MET: variants seen among roughly 807,000 people sequenced by gnomAD.
MET encodes the protein MET proto-oncogene, receptor tyrosine kinase, also known as hepatocyte growth factor receptor.
In MET, 48 loss-of-function variants were observed where a neutral mutation model predicts 133.1. That is an observed-to-expected ratio of 0.36 (90% CI 0.29 to 0.46). The LOEUF is 0.46. Ranked by LOEUF, MET falls within the 20% of genes least tolerant of loss-of-function variation. The pLI, the probability that MET is intolerant of heterozygous loss-of-function variation, is 1.00. For synonymous variants in MET, 628 were observed against 616.5 expected (o/e 1.02, Z -0.28); for missense variants, 1,442 against 1,695.9 (o/e 0.85, Z 2.63).
intron 2 of MET, among the ~76,000 whole-genome samples, chr7:116,713,681 C>T (rs767712825): frequency 6.6e-6 from 1 of 152,150 alleles, no homozygotes; most frequent in Non-Finnish European, 1.5e-5. Context: ...AAGAGTCTCA[C>T]TCCACGGTGG....
chr7:116,771,037 T>C (rs1794812539), intron 12 of MET, among the ~76,000 whole-genome samples: 1 of 152,166 alleles, frequency 6.6e-6, no homozygotes, highest in Admixed American at 6.5e-5. Flanking sequence ...ATTCTGAGAC[T>C]TTATTGTTCC....
At chr7:116,753,960 A>AC (rs1476376319) in intron 5 of MET, among the ~76,000 whole-genome samples, 2 of 152,056 alleles carry the variant, frequency 1.3e-5, no homozygotes, top group African/African-American at 4.8e-5. Context: ...GCATAACAAG[A>AC]CCCCGTCTCT....
chr7:116,754,600 C>T (rs1349827644), intron 5 of MET, among the ~76,000 whole-genome samples: 1 of 151,036 alleles, frequency 6.6e-6, no homozygotes, highest in Non-Finnish European at 1.5e-5. Flanking sequence ...GCAGGAGGAT[C>T]ACTTGAGCCC....
chr7:116,795,584 C>T (rs1032573039), intron 19 of MET, 71 bp from the exon 20 acceptor site: 9 of 1,605,632 alleles, frequency 5.6e-6, no homozygotes, highest in Non-Finnish European at 6.0e-6. Flanking sequence ...GTTACCAAGA[C>T]CTACTGATTT....
chr7:116,702,688 A>G (rs1791625105), intron 2 of MET, among the ~76,000 whole-genome samples: 1 of 152,168 alleles, frequency 6.6e-6, no homozygotes, highest in Admixed American at 6.6e-5. Flanking sequence ...TAGTTTTGTT[A>G]TTAACATCTC....
At chr7:116,673,390 G>C (rs979278536) in intron 1 of MET, among the ~76,000 whole-genome samples, 2 of 152,286 alleles carry the variant, frequency 1.3e-5, no homozygotes, top group Admixed American at 1.3e-4. Context: ...GAGCCCTCGG[G>C]CAGAATGAAA....
chr7:116,792,373 T>C (rs1049615580), intron 19 of MET, among the ~76,000 whole-genome samples: 2 of 151,852 alleles, frequency 1.3e-5, no homozygotes, highest in Admixed American at 1.3e-4. Context: ...CTCTCATGGC[T>C]TGAAACTAAA....
intron 19 of MET, among the ~76,000 whole-genome samples, chr7:116,784,424 A>G (rs1795248544): frequency 6.6e-6 from 1 of 152,172 alleles, no homozygotes; most frequent in Non-Finnish European, 1.5e-5. Context: ...AAGAGATTTA[A>G]TTGGCTCACA....
chr7:116,730,227 G>A (rs1247326540), intron 2 of MET, among the ~76,000 whole-genome samples: 1 of 152,198 alleles, frequency 6.6e-6, no homozygotes, highest in African/African-American at 2.4e-5. Context: ...CCGGGAAATA[G>A]CATCTGCAGA....
intron 17 of MET, 22 bp downstream of exon 17, chr7:116,778,979 C>G (rs2117048820): frequency 6.2e-7 from 1 of 1,612,856 alleles, no homozygotes; most frequent in Non-Finnish European, 8.5e-7. Context: ...GCCAAGCTTA[C>G]TAACTGGCAA....
chr7:116,713,507 G>A (rs773886979), intron 2 of MET, among the ~76,000 whole-genome samples: 1 of 152,148 alleles, frequency 6.6e-6, no homozygotes, highest in Non-Finnish European at 1.5e-5. Flanking sequence ...CACCAAGTAC[G>A]TGCTTGGTAC....
chr7:116,702,520 A>G (rs961149529), intron 2 of MET, among the ~76,000 whole-genome samples: 1 of 152,196 alleles, frequency 6.6e-6, no homozygotes, highest in African/African-American at 2.4e-5. Flanking sequence ...CAAAATGATT[A>G]CAAGATCAAA....
intron 2 of MET, among the ~76,000 whole-genome samples, chr7:116,711,006 T>C (rs1185159155): frequency 6.6e-6 from 1 of 152,200 alleles, no homozygotes; most frequent in Non-Finnish European, 1.5e-5. Context: ...GTTCAAGAAC[T>C]AGTTAAGAAA....
intron 2 of MET, 138 bp from the exon 3 acceptor site, chr7:116,731,530 C>A: frequency 2.5e-6 from 2 of 809,674 alleles, no homozygotes; most frequent in Non-Finnish European, 4.1e-6. Flanking sequence ...ATATTTATGC[C>A]TATCTGTGGC....
chr7:116,682,179 A>G (rs1224698236), intron 1 of MET, among the ~76,000 whole-genome samples: 1 of 152,246 alleles, frequency 6.6e-6, no homozygotes, highest in Non-Finnish European at 1.5e-5. Context: ...AGTGCAGATA[A>G]AATCCCAGAC....
chr7:116,735,687 C>A (rs1287728252), intron 3 of MET, among the ~76,000 whole-genome samples: 1 of 151,444 alleles, frequency 6.6e-6, no homozygotes, highest in African/African-American at 2.4e-5. Flanking sequence ...TTACCCATCT[C>A]TTTTATAAAA....
intron 2 of MET, among the ~76,000 whole-genome samples, chr7:116,719,354 A>C (rs1369443353): frequency 6.6e-6 from 1 of 151,372 alleles, no homozygotes; most frequent in African/African-American, 2.4e-5. Context: ...TTTTCTTGTA[A>C]ATTTGTTTGA....
chr7:116,784,433 C>T (rs1795249208), intron 19 of MET, among the ~76,000 whole-genome samples: 1 of 152,198 alleles, frequency 6.6e-6, no homozygotes, highest in Non-Finnish European at 1.5e-5. Context: ...AATTGGCTCA[C>T]AGTTCTGCAG....
At chr7:116,779,263 A>G (rs1440205140) in intron 17 of MET, among the ~76,000 whole-genome samples, 1 of 152,234 alleles carries the variant, frequency 6.6e-6, no homozygotes, top group Non-Finnish European at 1.5e-5. Context: ...GCACAGGAGA[A>G]GTGGAAGCAG....
Sources: gnomAD v4.1 joint callset for allele counts (sites outside exome capture counted in the v4.1 genomes callset) on GRCh38, gnomAD v4.1.1 for gene constraint, MANE v1.5 for transcripts, NCBI Gene and HGNC (gene_info 2026-07-23, HGNC 2026-07-21) for gene names.